The following HABP4 variants were observed in gnomAD, a reference collection of about 807,000 sequenced individuals.
The protein encoded by HABP4 is hyaluronan binding protein 4, also known as intracellular hyaluronan-binding protein 4.
HABP4 carries 32 observed loss-of-function variants against 44.1 expected under a neutral mutation model. That is an observed-to-expected ratio of 0.73 (90% CI 0.55 to 0.97). The LOEUF (loss-of-function observed/expected upper bound fraction) is 0.97, where lower values mean the gene tolerates loss of function less well. Among genes scored for constraint, HABP4 ranks in the 50% least tolerant of loss-of-function variants. The pLI is 0.00. For missense variants in HABP4, 503 were observed against 561.9 expected, an observed-to-expected ratio of 0.90 and a Z score of 1.06; for synonymous variants, 216 against 218.0, an observed-to-expected ratio of 0.99 and a Z score of 0.08.
chr9:96,473,469 T>A (rs768552220), intron 5 of HABP4, among the ~76,000 whole-genome samples: 15 of 152,180 alleles, frequency 9.9e-5, no homozygotes, highest in Non-Finnish European at 1.2e-4. Context: ...GCCATTGTTA[T>A]CTGGACCACC....
intron 2 of HABP4, among the ~76,000 whole-genome samples, chr9:96,463,803 T>G (rs948798910): frequency 1.8e-4 from 27 of 152,242 alleles, no homozygotes; most frequent in Non-Finnish European, 1.5e-5. Context: ...GGTTTCTTAA[T>G]GTAACACTTT....
chr9:96,471,149 C>CTTTT, intron 5 of HABP4, 55 bp downstream of exon 5: 1 of 773,332 alleles, frequency 1.3e-6, no homozygotes, highest in Non-Finnish European at 2.1e-6. Context: ...TTAATGATTT[C>CTTTT]TTTTTTTTTT....
chr9:96,487,334 T>A (rs544163883), intron 6 of HABP4, among the ~76,000 whole-genome samples: 144 of 152,306 alleles, frequency 9.5e-4, no homozygotes, highest in Middle Eastern at 3.4e-3. Flanking sequence ...TGTGTGTGTG[T>A]GATACCCATT....
chr9:96,476,467 C>G (rs1832787890), intron 5 of HABP4, among the ~76,000 whole-genome samples: 1 of 152,158 alleles, frequency 6.6e-6, no homozygotes, highest in African/African-American at 2.4e-5. Context: ...ATAGATTTGA[C>G]CACCTTATAT....
intron 4 of HABP4, among the ~76,000 whole-genome samples, chr9:96,467,400 G>C (rs993752943): frequency 1.3e-5 from 2 of 152,012 alleles, no homozygotes; most frequent in Admixed American, 6.6e-5. Context: ...ATAGGATCTT[G>C]ATGACAGATC....
intron 2 of HABP4, among the ~76,000 whole-genome samples, chr9:96,462,768 G>A (rs1375194234): frequency 6.6e-6 from 1 of 151,588 alleles, no homozygotes; most frequent in East Asian, 1.9e-4. Flanking sequence ...CTCTACAAAG[G>A]GTAGTTAGCC....
intron 1 of HABP4, among the ~76,000 whole-genome samples, chr9:96,451,904 G>A (rs1029394591): frequency 6.6e-6 from 1 of 152,034 alleles, no homozygotes; most frequent in Non-Finnish European, 1.5e-5. Context: ...AATTGAGGAA[G>A]GCTAAGCTTT....
Position 96,490,067 on chromosome 9 carries a change from C to G in HABP4, c.*29C>G. ...AGCCCTGTTTCCCAGCACCGCGGAGCTGCACTGCACACCTGTGGGGAGACT... is the reference window on the plus strand; with the variant it reads ...AGCCCTGTTTCCCAGCACCGCGGAGGTGCACTGCACACCTGTGGGGAGACT... On this transcript the variant is annotated 3_prime_UTR_variant, in exon 8 of 8. Transcript: ENST00000375249. The G allele has an allele frequency of 1.5e-6, 2 of 1,366,666 alleles. No individual in the cohort carries two copies. Among genetic ancestry groups the G allele is most frequent in the South Asian group, 2.3e-5 (2 of 86,238 alleles). 84.7% of individuals were successfully genotyped at this position (1,366,666 alleles called of 1,614,324 possible).
Position 96,488,419 on chromosome 9 carries a change from C to T in HABP4, c.1185+145C>T, listed in dbSNP as rs974834562. On this transcript the variant is annotated intron_variant, in intron 7 of 7. Coordinates refer to ENST00000375249, the MANE Select transcript of HABP4 (RefSeq NM_014282.4). The surrounding 1 kb of genome is among the most constrained non-coding windows in gnomAD (Gnocchi z 4.6). ...TGGGACTGATGTTGGGGCATTTGGA[C>T]GGTGTTGTAGCATCATGGACATCTT... 7 of 611,870 alleles carry T rather than the reference C, an allele frequency of 1.1e-5. No individual in the cohort carries two copies. The highest frequency in any genetic ancestry group is 5.6e-5 in the African/African-American group (3 of 54,004). 37.9% of individuals were successfully genotyped at this position (611,870 alleles called of 1,614,324 possible). A position where few individuals can be genotyped will look rare whatever the true frequency, so the allele number is the denominator to read the frequency against.
chr9:96,458,349 C>T (rs557235455), intron 1 of HABP4, 30 bp from the exon 2 acceptor site: 90 of 1,606,178 alleles, frequency 5.6e-5, no homozygotes, highest in Non-Finnish European at 7.6e-5. Flanking sequence ...TGTTGTGTTC[C>T]AGCTCTCTGC....
At chr9:96,468,279 A>G (rs1486976786) in intron 4 of HABP4, among the ~76,000 whole-genome samples, 3 of 141,890 alleles carry the variant, frequency 2.1e-5, no homozygotes, top group Non-Finnish European at 3.0e-5. Context: ...TTTTTCTGAG[A>G]CAGAGTCTCA....
chr9:96,462,580 C>T (rs1832521415), intron 2 of HABP4, among the ~76,000 whole-genome samples: 1 of 151,270 alleles, frequency 6.6e-6, no homozygotes, highest in South Asian at 2.1e-4. Context: ...CCACTTCACT[C>T]CAGCCTGGGA....
intron 1 of HABP4, among the ~76,000 whole-genome samples, chr9:96,456,738 CA>C (rs1809336182): frequency 1.0e-5 from 1 of 99,992 alleles, no homozygotes; most frequent in Non-Finnish European, 1.8e-5. Flanking sequence ...CCAGCCTGGG[CA>C]ACAGAGCAAG....
At chr9:96,485,020 T>TTCTTATCA (rs1459917655) in intron 6 of HABP4, among the ~76,000 whole-genome samples, 1 of 152,238 alleles carries the variant, frequency 6.6e-6, no homozygotes, top group African/African-American at 2.4e-5. Context: ...TCAACTCTGT[T>TTCTTATCA]TCTTGATAAG....
At chr9:96,469,725 G>A (rs1486952301) in intron 4 of HABP4, among the ~76,000 whole-genome samples, 1 of 152,130 alleles carries the variant, frequency 6.6e-6, no homozygotes, top group Admixed American at 6.6e-5. Context: ...GTTTCACCAT[G>A]TTGGCCAGGG....
chr9:96,457,455 T>A (rs1832414480), intron 1 of HABP4, among the ~76,000 whole-genome samples: 1 of 152,220 alleles, frequency 6.6e-6, no homozygotes, highest in Admixed American at 6.5e-5. Flanking sequence ...CTTGGGCAAG[T>A]TGCCAAATAG....
intron 5 of HABP4, among the ~76,000 whole-genome samples, chr9:96,472,189 C>T (rs149539972): frequency 1.3e-5 from 2 of 152,236 alleles, no homozygotes; most frequent in African/African-American, 2.4e-5. Context: ...CCACTATCTG[C>T]CTTCTCTCTG....
At chr9:96,458,089 C>T (rs1461572870) in intron 1 of HABP4, among the ~76,000 whole-genome samples, 2 of 152,030 alleles carry the variant, frequency 1.3e-5, no homozygotes, top group African/African-American at 4.8e-5. Flanking sequence ...AAAATGTACC[C>T]ATGGCTGTCA....
intron 6 of HABP4, among the ~76,000 whole-genome samples, chr9:96,485,207 C>T (rs1366526564): frequency 1.3e-5 from 2 of 152,196 alleles, no homozygotes; most frequent in Non-Finnish European, 2.9e-5. Context: ...CATGCGCCAC[C>T]ACCCCGGCTA....
Sources: gnomAD v4.1 joint callset for allele counts (sites outside exome capture counted in the v4.1 genomes callset) on GRCh38, gnomAD v4.1.1 for gene constraint, Gnocchi (gnomAD v3.1) non-coding constraint, MANE v1.5 for transcripts, NCBI Gene and HGNC (gene_info 2026-07-23, HGNC 2026-07-21) for gene names.